The following TGFBR3 variants were observed in gnomAD, a reference collection of about 807,000 sequenced individuals.
TGFBR3 encodes the protein transforming growth factor beta receptor 3.
In TGFBR3, 46 loss-of-function variants were observed where a neutral mutation model predicts 87.9. The ratio of observed to expected loss-of-function variants is 0.52; its 90% CI spans 0.41 to 0.67. TGFBR3 has a LOEUF of 0.67. Ranked by LOEUF, TGFBR3 falls within the 30% of genes least tolerant of loss-of-function variation. The pLI, the probability that TGFBR3 is intolerant of heterozygous loss-of-function variation, is 0.00. For missense variants in TGFBR3, 866 were observed against 1,041.9 expected, an observed-to-expected ratio of 0.83 and a Z score of 2.32; for synonymous variants, 381 against 391.6, an observed-to-expected ratio of 0.97 and a Z score of 0.32.
rs188690998 is a variant in TGFBR3, at chr1:91,835,697, G to A, written c.61+25774C>T. Among the ~76,000 whole-genome samples, 254 of 151,768 alleles carry A rather than the reference G, an allele frequency of 1.7e-3. 2 individuals carry two copies. Among genetic ancestry groups the A allele is most frequent in the Non-Finnish European group, 3.1e-3 (210 of 67,906 alleles). ...CAAAAAATTAGCCGGGCGTGGTGGC[G>A]GATGCCTGTAGTCCCAGCTACTGGG... On this transcript the variant is annotated intron_variant, in intron 2 of 16. Coordinates refer to ENST00000212355, the MANE Select transcript of TGFBR3 (RefSeq NM_003243.5).
intron 14 of TGFBR3, among the ~76,000 whole-genome samples, chr1:91,701,245 G>A (rs1019545251): frequency 1.3e-5 from 2 of 151,846 alleles, no homozygotes; most frequent in Non-Finnish European, 2.9e-5. Context: ...AAGTCTCTTC[G>A]TGATTTCTGA....
chr1:91,766,913 G>A lies in TGFBR3; in HGVS notation c.247-8163C>T, dbSNP rs1291895419. ...CAGTTTCTTCATCCCCCTGTCCCAC[G>A]ACTTTACCCTGCACTCTTCGACCCA... On this transcript the variant is annotated intron_variant, in intron 3 of 16. Coordinates refer to ENST00000212355, the MANE Select transcript of TGFBR3 (RefSeq NM_003243.5). Among the ~76,000 whole-genome samples the A allele has an allele frequency of 3.8e-5, 5 of 132,840 alleles. 1 individual carries two copies. Among genetic ancestry groups the A allele is most frequent in the Non-Finnish European group, 6.6e-5 (4 of 60,750 alleles). 87.1% of individuals were successfully genotyped at this position (132,840 alleles called of 152,430 possible).
At chr1:91,804,889 T>A (rs1465214052) in intron 2 of TGFBR3, among the ~76,000 whole-genome samples, 1 of 152,200 alleles carries the variant, frequency 6.6e-6, no homozygotes, top group Non-Finnish European at 1.5e-5. Context: ...GTGAGTGACA[T>A]GCTCTGATGA....
chr1:91,851,362 C>T (rs1677724854), intron 2 of TGFBR3, among the ~76,000 whole-genome samples: 1 of 152,172 alleles, frequency 6.6e-6, no homozygotes, highest in African/African-American at 2.4e-5. Context: ...TGGCAGAGAT[C>T]GTTTTAAAGA....
In TGFBR3 at chr1:91,681,908, A is replaced by T. The variant is rs1384868635; in HGVS notation, c.*1831T>A. The T allele has an allele frequency of 2.2e-6, 1 of 448,562 alleles. No individual in the cohort carries two copies. The highest frequency in any genetic ancestry group is 2.0e-5 in the African/African-American group (1 of 49,566). The allele number at this position is 448,562 out of a possible 1,614,324, so 27.8% of individuals were successfully genotyped here. A position where few individuals can be genotyped will look rare whatever the true frequency, so the allele number is the denominator to read the frequency against. ...CTCTGATACCCTTCTGTTAAAAAAA[A>T]ATTAAAGGAAAAAAATTCTCTAAAC... On this transcript the variant is annotated 3_prime_UTR_variant, in exon 17 of 17. Transcript: ENST00000212355.
intron 1 of TGFBR3, among the ~76,000 whole-genome samples, chr1:91,880,372 G>A (rs531183434): frequency 6.6e-6 from 1 of 152,040 alleles, no homozygotes; most frequent in South Asian, 2.1e-4. Flanking sequence ...AGGCCAAGAC[G>A]GCGGATCACG....
intron 15 of TGFBR3, among the ~76,000 whole-genome samples, chr1:91,697,260 T>C (rs1671464034): frequency 6.6e-6 from 1 of 152,232 alleles, no homozygotes; most frequent in Non-Finnish European, 1.5e-5. Flanking sequence ...GAGTTCATAT[T>C]GTTCCATAAT....
chr1:91,739,422 C>A (rs1673075540), intron 4 of TGFBR3, among the ~76,000 whole-genome samples: 1 of 152,064 alleles, frequency 6.6e-6, no homozygotes. Flanking sequence ...TTCTTCAGAC[C>A]CATATTTCAA....
intron 3 of TGFBR3, among the ~76,000 whole-genome samples, chr1:91,784,033 C>T (rs1351211675): frequency 4.6e-5 from 7 of 152,114 alleles, no homozygotes; most frequent in Non-Finnish European, 1.0e-4. Context: ...TAGCTTTTTA[C>T]CCAGCTGACG....
chr1:91,753,759 T>C lies in TGFBR3; in HGVS notation c.384+4854A>G, dbSNP rs551115547. On this transcript the variant is annotated intron_variant, in intron 4 of 16. Coordinates refer to ENST00000212355, the MANE Select transcript of TGFBR3 (RefSeq NM_003243.5). ...CTTAGTATAATGTTTTCAAGACCCA[T>C]CTATGTTGTGGTATGTATCAGAACT... 2.0e-5 allele frequency among the ~76,000 whole-genome samples: 3 copies of C among 152,330 alleles called. No homozygotes were observed. In the South Asian group the frequency reaches 6.2e-4, roughly 32 times the overall value.
chr1:91,853,753 C>T (rs1392994363), intron 2 of TGFBR3, among the ~76,000 whole-genome samples: 1 of 152,162 alleles, frequency 6.6e-6, no homozygotes, highest in Admixed American at 6.5e-5. Flanking sequence ...GTGGCTCAGG[C>T]CTGTAATCCC....
intron 4 of TGFBR3, among the ~76,000 whole-genome samples, chr1:91,744,312 C>A (rs904580035): frequency 2.0e-5 from 3 of 152,156 alleles, no homozygotes; most frequent in Non-Finnish European, 2.9e-5. Flanking sequence ...TCTCGAACTC[C>A]TGACCTCAGG....
intron 2 of TGFBR3, among the ~76,000 whole-genome samples, chr1:91,898,723 G>A (rs898322576): frequency 2.6e-5 from 4 of 152,042 alleles, no homozygotes; most frequent in Admixed American, 6.6e-5. Flanking sequence ...AGGTGTGAGC[G>A]AACACGTCTG....
intron 3 of TGFBR3, among the ~76,000 whole-genome samples, chr1:91,782,523 C>T (rs1395695478): frequency 5.3e-5 from 8 of 152,192 alleles, no homozygotes; most frequent in African/African-American, 1.9e-4. Context: ...TGCACATCGA[C>T]TGACCTGAGG....
chr1:91,809,869 G>A lies in TGFBR3; in HGVS notation c.62-12398C>T, dbSNP rs145315514. Among the ~76,000 whole-genome samples the A allele has an allele frequency of 2.9e-3, 439 of 152,284 alleles. 3 individuals are homozygous for A. The highest frequency in any genetic ancestry group is 9.9e-3 in the African/African-American group (413 of 41,564). ...AGAAATTATGAACACCTGGTCACTG[G>A]TGTGCTCTTGCTCCTTTCACAGTGA... On this transcript the variant is annotated intron_variant, in intron 2 of 16. Coordinates refer to ENST00000212355, the MANE Select transcript of TGFBR3 (RefSeq NM_003243.5).
upstream of TGFBR3, among the ~76,000 whole-genome samples, chr1:91,889,048 A>G (rs1679392070): frequency 6.6e-6 from 1 of 151,850 alleles, no homozygotes; most frequent in African/African-American, 2.4e-5. Context: ...ATGCCTGGCT[A>G]ATTTTTGTAT....
At chr1:91,770,724 G>A (rs979833983) in intron 3 of TGFBR3, 21 of 152,296 alleles carry the variant, frequency 1.4e-4, no homozygotes, top group Middle Eastern at 3.4e-3. Context: ...TATGTTGGCA[G>A]TACACAATGC....
In TGFBR3 at chr1:91,683,143, G is replaced by A. The variant is rs145038062; in HGVS notation, c.*596C>T. ...ATGTTGCCTTAACACTTGTCAGGGT[G>A]CAGTCCCTGAGGGCAGCACCCATCA... On this transcript the variant is annotated 3_prime_UTR_variant, in exon 17 of 17. Transcript: ENST00000212355. 6.8e-5 allele frequency: 31 copies of A among 454,556 alleles called. No individual in the cohort carries two copies. Among genetic ancestry groups the A allele is most frequent in the African/African-American group, 5.2e-4 (26 of 50,132 alleles). The allele number at this position is 454,556 out of a possible 1,614,324, so 28.2% of individuals were successfully genotyped here. A position where few individuals can be genotyped will look rare whatever the true frequency, so the allele number is the denominator to read the frequency against.
intron 7 of TGFBR3, among the ~76,000 whole-genome samples, chr1:91,725,816 C>T (rs1672529182): frequency 6.6e-6 from 1 of 152,172 alleles, no homozygotes; most frequent in East Asian, 1.9e-4. Context: ...TTCAATTTCA[C>T]TATGCTGTCT....
Sources: gnomAD v4.1 joint callset for allele counts (sites outside exome capture counted in the v4.1 genomes callset) on GRCh38, gnomAD v4.1.1 for gene constraint, MANE v1.5 for transcripts, NCBI Gene and HGNC (gene_info 2026-07-23, HGNC 2026-07-21) for gene names.